FAM110B: variants seen among roughly 807,000 people sequenced by gnomAD.
The protein encoded by FAM110B is protein FAM110B.
A neutral mutation model predicts 20.4 loss-of-function variants in FAM110B; 6 were observed. That is an observed-to-expected ratio of 0.29 (90% CI 0.16 to 0.58). The LOEUF is 0.58. Ranked by LOEUF, FAM110B falls within the 20% of genes least tolerant of loss-of-function variation. The probability of loss-of-function intolerance (pLI) is 0.90; values close to 1 mark genes in which losing one functional copy is unlikely to be tolerated. For missense variants in FAM110B, 434 were observed against 498.2 expected, an observed-to-expected ratio of 0.87 and a Z score of 1.23; for synonymous variants, 226 against 214.1, an observed-to-expected ratio of 1.06 and a Z score of -0.49.
chr8:58,055,183 C>T (rs954851533), intron 2 of FAM110B, among the ~76,000 whole-genome samples: 4 of 152,124 alleles, frequency 2.6e-5, no homozygotes, highest in African/African-American at 7.2e-5. Flanking sequence ...CTTGTCACTG[C>T]GGCGAGTTAG....
At chr8:58,009,920 T>C (rs1804493889) in intron 1 of FAM110B, among the ~76,000 whole-genome samples, 1 of 152,158 alleles carries the variant, frequency 6.6e-6, no homozygotes, top group African/African-American at 2.4e-5. Flanking sequence ...AGGTTTATAT[T>C]TGGATTTCCG....
intron 3 of FAM110B, among the ~76,000 whole-genome samples, chr8:58,132,917 T>C (rs1318022336): frequency 1.3e-5 from 2 of 152,228 alleles, no homozygotes; most frequent in African/African-American, 4.8e-5. Flanking sequence ...ACTCCCTTTT[T>C]CACTTTGGGG....
chr8:58,042,388 G>A (rs1240569546), intron 2 of FAM110B, among the ~76,000 whole-genome samples: 1 of 152,192 alleles, frequency 6.6e-6, no homozygotes, highest in Non-Finnish European at 1.5e-5. Flanking sequence ...ATGAAATTAG[G>A]GGACCCATTT....
intron 1 of FAM110B, among the ~76,000 whole-genome samples, chr8:58,008,588 G>A (rs1804462821): frequency 6.6e-6 from 1 of 152,102 alleles, no homozygotes; most frequent in African/African-American, 2.4e-5. Flanking sequence ...GTGTATGTTA[G>A]GAATATTCAG....
chr8:58,105,202 T>C (rs888420905), intron 3 of FAM110B, among the ~76,000 whole-genome samples: 1 of 152,062 alleles, frequency 6.6e-6, no homozygotes, highest in African/African-American at 2.4e-5. Context: ...GAGAACAAGC[T>C]CTGAAGCTGG....
chr8:58,030,863 G>A (rs1479794447), intron 1 of FAM110B, among the ~76,000 whole-genome samples: 3 of 152,064 alleles, frequency 2.0e-5, no homozygotes, highest in East Asian at 1.9e-4. Context: ...TTCATGACTC[G>A]TCCCAGTATC....
At chr8:58,015,314 G>A (rs1412974449) in intron 1 of FAM110B, among the ~76,000 whole-genome samples, 2 of 151,690 alleles carry the variant, frequency 1.3e-5, no homozygotes, top group South Asian at 2.1e-4. Flanking sequence ...CCAAGATTGC[G>A]CCACTGCACT....
At position 58,075,269 on chromosome 8, in the gene FAM110B, T is replaced by TGTGTGTGTGTG. The variant is rs1554521049; in HGVS notation, c.-413-266_-413-265insGTGTGTGTGTG. ...ACACTGAACTAATTTTTGCTTTTTTTTTTTTTTGTGTGTGTGTGTGTGTGT... is the reference window on the plus strand; with the variant it reads ...ACACTGAACTAATTTTTGCTTTTTTTGTGTGTGTGTGTTTTTTTGTGTGTGTGTGTGTGTGT... On this transcript the variant is annotated intron_variant, in intron 2 of 3. Coordinates refer to ENST00000519262, the MANE Select transcript of FAM110B (RefSeq NM_001377989.1). Among the ~76,000 whole-genome samples, 173 of 122,408 alleles carry TGTGTGTGTGTG rather than the reference T, an allele frequency of 1.4e-3. 2 individuals are homozygous for TGTGTGTGTGTG. Among genetic ancestry groups the TGTGTGTGTGTG allele is most frequent in the African/African-American group, 7.1e-3 (168 of 23,574 alleles). The allele number at this position is 122,408 out of a possible 152,430, so 80.3% of individuals were successfully genotyped here.
At chr8:58,011,391 G>A (rs2150565867) in intron 1 of FAM110B, among the ~76,000 whole-genome samples, 1 of 152,208 alleles carries the variant, frequency 6.6e-6, no homozygotes, top group South Asian at 2.1e-4. Flanking sequence ...ATAAGCAACT[G>A]CAGACATTAA....
chr8:58,106,765 C>T (rs558582355), intron 3 of FAM110B, among the ~76,000 whole-genome samples: 213 of 152,320 alleles, frequency 1.4e-3, no homozygotes, highest in African/African-American at 4.9e-3. Flanking sequence ...AAGATGCTCA[C>T]GCCATACTGT....
chr8:58,006,901 GTATATATATA>G (rs761091750), intron 1 of FAM110B, among the ~76,000 whole-genome samples: 10 of 97,550 alleles, frequency 1.0e-4, no homozygotes, highest in South Asian at 7.4e-4. Context: ...GGCTTAATTG[GTATATATATA>G]TATATATATA....
intron 3 of FAM110B, among the ~76,000 whole-genome samples, chr8:58,144,994 T>C (rs1221911298): frequency 2.0e-5 from 3 of 152,250 alleles, no homozygotes; most frequent in Non-Finnish European, 4.4e-5. Context: ...AAGTTTTCTA[T>C]AGTATTAAAG....
intron 3 of FAM110B, among the ~76,000 whole-genome samples, chr8:58,121,101 G>A (rs2150626986): frequency 6.6e-6 from 1 of 152,308 alleles, no homozygotes; most frequent in African/African-American, 2.4e-5. Flanking sequence ...TTAGTCAGTG[G>A]CAAGTTCATG....
chr8:58,034,899 AT>A (rs1805045370), intron 2 of FAM110B, among the ~76,000 whole-genome samples: 1 of 152,212 alleles, frequency 6.6e-6, no homozygotes, highest in Non-Finnish European at 1.5e-5. Context: ...TGGGACAGAC[AT>A]TGTGACCCAG....
At chr8:58,124,245 A>G (rs1807436653) in intron 3 of FAM110B, among the ~76,000 whole-genome samples, 1 of 152,224 alleles carries the variant, frequency 6.6e-6, no homozygotes, top group Non-Finnish European at 1.5e-5. Flanking sequence ...CAGTCAGCCC[A>G]CAGTAAGATG....
chr8:58,013,880 A>G (rs1804589058), intron 1 of FAM110B, among the ~76,000 whole-genome samples: 1 of 152,176 alleles, frequency 6.6e-6, no homozygotes, highest in South Asian at 2.1e-4. Flanking sequence ...AAATAAACTG[A>G]TAAATGCTTG....
chr8:58,069,766 C>T (rs569945145), intron 2 of FAM110B, among the ~76,000 whole-genome samples: 1 of 152,060 alleles, frequency 6.6e-6, no homozygotes, highest in Non-Finnish European at 1.5e-5. Context: ...AAGTAAGACT[C>T]AGATTTTATA....
In FAM110B at chr8:58,005,488, T is replaced by C. The variant is rs369803864; in HGVS notation, c.-512+10682T>C. Among the ~76,000 whole-genome samples the C allele has an allele frequency of 3.3e-5, 5 of 152,358 alleles. No homozygotes were observed. The East Asian group carries it at 7.7e-4, about 23-fold the overall frequency. On this transcript the variant is annotated intron_variant, in intron 1 of 3. Coordinates refer to ENST00000519262, the MANE Select transcript of FAM110B (RefSeq NM_001377989.1). ...ATACTTATGGCACTGATGAACTTGT[T>C]TGATGCTGAATTGCCACAGACCTTC... is the stretch of plus-strand genomic sequence containing the variant.
chr8:58,019,264 G>A lies in FAM110B; in HGVS notation c.-511-12342G>A, dbSNP rs12114335. On this transcript the variant is annotated intron_variant, in intron 1 of 3. Coordinates refer to ENST00000519262, the MANE Select transcript of FAM110B (RefSeq NM_001377989.1). ...GAGACAGGAGAATCTCTTGAACCCG[G>A]GAGGTGGAGGTTGCAGTGAGCCAAG... 8.9e-3 allele frequency among the ~76,000 whole-genome samples: 1,290 copies of A among 144,272 alleles called. 20 individuals carry two copies. The highest frequency in any genetic ancestry group is 0.031 in the African/African-American group (1,196 of 38,634). 94.6% of individuals were successfully genotyped at this position (144,272 alleles called of 152,430 possible). A position where few individuals can be genotyped will look rare whatever the true frequency, so the allele number is the denominator to read the frequency against.
Sources: gnomAD v4.1 joint callset for allele counts (sites outside exome capture counted in the v4.1 genomes callset) on GRCh38, gnomAD v4.1.1 for gene constraint, MANE v1.5 for transcripts, NCBI Gene and HGNC (gene_info 2026-07-23, HGNC 2026-07-21) for gene names.